The following NELL1 variants were observed in gnomAD, a reference collection of about 807,000 sequenced individuals.
NELL1 encodes neural EGFL like 1.
Under a neutral mutation model 107.4 loss-of-function variants are expected in NELL1, and 76 were observed. The ratio of observed to expected loss-of-function variants is 0.71; its 90% CI spans 0.59 to 0.86. The LOEUF (loss-of-function observed/expected upper bound fraction) is 0.86. Among genes scored for constraint, NELL1 ranks in the 40% least tolerant of loss-of-function variants. The pLI is 0.00. For synonymous variants in NELL1, 353 were observed against 341.2 expected, an observed-to-expected ratio of 1.03 and a Z score of -0.38; for missense variants, 1,024 against 1,005.5, an observed-to-expected ratio of 1.02 and a Z score of -0.25.
At chr11:21,347,880 G>A (rs1172738202) in intron 14 of NELL1, among the ~76,000 whole-genome samples, 1 of 152,114 alleles carries the variant, frequency 6.6e-6, no homozygotes, top group Non-Finnish European at 1.5e-5. Flanking sequence ...GTGGAGCCAA[G>A]GGACCAAATT....
chr11:21,151,329 A>G (rs1856112294), intron 13 of NELL1, among the ~76,000 whole-genome samples: 1 of 152,160 alleles, frequency 6.6e-6, no homozygotes, highest in South Asian at 2.1e-4. Flanking sequence ...AATTACAAAG[A>G]CTTACCCTTC....
intron 5 of NELL1, among the ~76,000 whole-genome samples, chr11:20,898,874 T>C (rs1051392756): frequency 2.0e-5 from 3 of 152,150 alleles, no homozygotes; most frequent in Non-Finnish European, 4.4e-5. Context: ...CCTAGTTTTA[T>C]TTACAGATCT....
intron 15 of NELL1, among the ~76,000 whole-genome samples, chr11:21,471,334 G>A (rs1258314916): frequency 6.6e-6 from 1 of 152,018 alleles, no homozygotes; most frequent in African/African-American, 2.4e-5. Context: ...AAATTATTAG[G>A]CTTGCCACAT....
intron 2 of NELL1, among the ~76,000 whole-genome samples, chr11:20,725,537 CA>C (rs1480199636): frequency 1.3e-5 from 2 of 152,132 alleles, no homozygotes; most frequent in African/African-American, 2.4e-5. Context: ...GGCTTGAAAG[CA>C]AAGAAAATGC....
rs1035942333 is a variant in NELL1, at chr11:20,964,467, A to G, written c.1300+3907A>G. On this transcript the variant is annotated intron_variant, in intron 12 of 19. Coordinates refer to ENST00000357134, the MANE Select transcript of NELL1 (RefSeq NM_006157.5). ...TTGCAGAGTGTTTTAAATTTTTCAA[A>G]CTCCTTTTATATATGTTACACTTTT... 3.9e-5 allele frequency among the ~76,000 whole-genome samples: 6 copies of G among 152,134 alleles called. 1 individual carries two copies. The highest frequency in any genetic ancestry group is 2.1e-4 in the South Asian group (1 of 4,832).
chr11:20,985,890 G>T lies in NELL1; in HGVS notation c.1300+25330G>T, dbSNP rs527964071. On this transcript the variant is annotated intron_variant, in intron 12 of 19. Transcript: ENST00000357134. ...ATGCACAAAAATTATGACATTTCCT[G>T]GGAAGAAGGAGTCTTTTGGATTCAG... Among the ~76,000 whole-genome samples, 11 of 152,234 alleles carry T rather than the reference G, an allele frequency of 7.2e-5. No homozygotes were observed. In the East Asian group the frequency reaches 2.1e-3, roughly 29 times the overall value.
At chr11:21,367,268 ACACACAC>A (rs1482876332) in intron 14 of NELL1, among the ~76,000 whole-genome samples, 4 of 25,526 alleles carry the variant, frequency 1.6e-4, no homozygotes, top group African/African-American at 6.8e-4. Context: ...TACTACACAC[ACACACAC>A]ACACACACAC....
intron 13 of NELL1, among the ~76,000 whole-genome samples, chr11:21,171,329 G>T (rs909905577): frequency 1.3e-5 from 2 of 151,752 alleles, no homozygotes; most frequent in Non-Finnish European, 2.9e-5. Flanking sequence ...CAAAGAAGAA[G>T]AAGAGAGCAA....
chr11:21,412,880 C>T (rs1272268435), intron 15 of NELL1, among the ~76,000 whole-genome samples: 1 of 152,066 alleles, frequency 6.6e-6, no homozygotes, highest in Admixed American at 6.6e-5. Flanking sequence ...ATTTGCAACC[C>T]TCACATTGCA....
Position 21,436,869 on chromosome 11 carries a change from G to A in NELL1, c.1645+65921G>A, listed in dbSNP as rs547449752. On this transcript the variant is annotated intron_variant, in intron 15 of 19. Coordinates refer to ENST00000357134, the MANE Select transcript of NELL1 (RefSeq NM_006157.5). ...TTTTGCTTCTTAATTTTTTCACTGA[G>A]CCACTAGTTGTTTGGAAGCATATTA... 2.0e-5 allele frequency among the ~76,000 whole-genome samples: 3 copies of A among 152,064 alleles called. No homozygotes were observed. The East Asian group carries it at 5.8e-4, about 29-fold the overall frequency.
intron 12 of NELL1, among the ~76,000 whole-genome samples, chr11:21,079,060 T>C (rs1200961512): frequency 4.0e-5 from 6 of 150,332 alleles, no homozygotes; most frequent in Non-Finnish European, 8.9e-5. Flanking sequence ...AAATCCAGAA[T>C]TGGGCAAATG....
At chr11:20,717,981 C>G (rs1392386947) in intron 2 of NELL1, among the ~76,000 whole-genome samples, 1 of 152,166 alleles carries the variant, frequency 6.6e-6, no homozygotes, top group Non-Finnish European at 1.5e-5. Flanking sequence ...TTGTTTTTCA[C>G]TTGTTCCTGC....
At chr11:21,436,306 G>T (rs149502183) in intron 15 of NELL1, among the ~76,000 whole-genome samples, 113 of 152,284 alleles carry the variant, frequency 7.4e-4, no homozygotes, top group Middle Eastern at 6.8e-3. Flanking sequence ...GCCCGCCTCA[G>T]CCTCCTGAAG....
intron 12 of NELL1, among the ~76,000 whole-genome samples, chr11:21,072,328 T>C (rs901198386): frequency 6.6e-6 from 1 of 152,158 alleles, no homozygotes; most frequent in African/African-American, 2.4e-5. Flanking sequence ...GAAAGAACAA[T>C]CCAAGTTGAA....
chr11:20,887,906 C>CA (rs974546856), intron 5 of NELL1, among the ~76,000 whole-genome samples: 5 of 151,568 alleles, frequency 3.3e-5, no homozygotes, highest in African/African-American at 7.3e-5. Flanking sequence ...TGGAAAGAAA[C>CA]AAAAAAATGC....
rs889591610 is a variant in NELL1, at chr11:21,120,392, C to T, written c.1426+6678C>T. 2.0e-5 allele frequency among the ~76,000 whole-genome samples: 3 copies of T among 152,156 alleles called. No individual in the cohort carries two copies. In the East Asian group the frequency reaches 5.8e-4, roughly 29 times the overall value. The stretch of plus-strand genomic sequence containing the variant: ...GAGAATATTTTCAAATATGAGATAT[C>T]TGATATTTTCTCATTTAGCAGAGCC... On this transcript the variant is annotated intron_variant, in intron 13 of 19. Coordinates refer to ENST00000357134, the MANE Select transcript of NELL1 (RefSeq NM_006157.5).
At chr11:21,485,212 ACATAGTGC>A (rs1854594560) in intron 15 of NELL1, among the ~76,000 whole-genome samples, 1 of 152,188 alleles carries the variant, frequency 6.6e-6, no homozygotes, top group African/African-American at 2.4e-5. Context: ...AGCAGCTGCA[ACATAGTGC>A]CATTCTGAGA....
intron 15 of NELL1, among the ~76,000 whole-genome samples, chr11:21,422,864 T>A (rs1211313792): frequency 1.3e-5 from 2 of 152,144 alleles, no homozygotes; most frequent in African/African-American, 4.8e-5. Context: ...GTAACTAGAT[T>A]AATCTCTCCA....
chr11:21,566,294 A>G (rs1281642956), intron 17 of NELL1, among the ~76,000 whole-genome samples: 1 of 151,920 alleles, frequency 6.6e-6, no homozygotes, highest in African/African-American at 2.4e-5. Context: ...ATGGCAGAAA[A>G]AAAATGAGTG....
Sources: allele counts gnomAD v4.1 joint callset (sites outside exome capture counted in the v4.1 genomes callset), GRCh38; gene constraint gnomAD v4.1.1; transcripts MANE v1.5; gene names NCBI Gene and HGNC (gene_info 2026-07-23, HGNC 2026-07-21).